Variants in PRKCH observed in about 807,000 individuals in gnomAD.
PRKCH encodes the protein protein kinase C eta type.
A neutral mutation model predicts 82.5 loss-of-function variants in PRKCH; 28 were observed. The observed-to-expected ratio is 0.34, with a 90% confidence interval of 0.25 to 0.47. The LOEUF (loss-of-function observed/expected upper bound fraction) is 0.47, where lower values mean the gene tolerates loss of function less well. PRKCH is among the 20% of genes least tolerant of loss of function. The pLI is 1.00. For missense variants in PRKCH, 705 were observed against 881.8 expected (o/e 0.80, Z 2.54); for synonymous variants, 322 against 327.4 (o/e 0.98, Z 0.18).
chr14:61,446,243 T>C (rs911477538), intron 4 of PRKCH, among the ~76,000 whole-genome samples: 2 of 152,098 alleles, frequency 1.3e-5, no homozygotes, highest in African/African-American at 4.8e-5. Flanking sequence ...TACTACATGT[T>C]ATATTTAGTT....
intron 1 of PRKCH, among the ~76,000 whole-genome samples, chr14:61,195,723 G>T (rs982613737): frequency 2.0e-5 from 3 of 152,184 alleles, no homozygotes; most frequent in African/African-American, 7.2e-5. Context: ...TTGGTGAGGG[G>T]TTGCTTCCTG....
intron 1 of PRKCH, among the ~76,000 whole-genome samples, chr14:61,253,280 A>C (rs538236338): frequency 6.6e-6 from 1 of 152,310 alleles, no homozygotes; most frequent in East Asian, 1.9e-4. Context: ...TTTCTTTTCT[A>C]ATTGCCTGCC....
At chr14:61,440,692 G>A (rs1035489182) in intron 2 of PRKCH, among the ~76,000 whole-genome samples, 1 of 152,024 alleles carries the variant, frequency 6.6e-6, no homozygotes, top group Non-Finnish European at 1.5e-5. Context: ...TGGCCAACAT[G>A]GTGAAACCCT....
intron 2 of PRKCH, among the ~76,000 whole-genome samples, chr14:61,439,939 A>G (rs1055409769): frequency 6.6e-6 from 1 of 152,240 alleles, no homozygotes; most frequent in African/African-American, 2.4e-5. Context: ...AATATTAAAC[A>G]TGCAAGTGGG....
intron 12 of PRKCH, among the ~76,000 whole-genome samples, chr14:61,541,085 G>C (rs1285543909): frequency 6.6e-6 from 1 of 152,242 alleles, no homozygotes; most frequent in Non-Finnish European, 1.5e-5. Flanking sequence ...CAAGCCTGGT[G>C]TCTCTCCCAT....
rs5809093 is a variant in PRKCH, at chr14:61,395,290, G to GCCCC, written c.427+4008_427+4011dup. On this transcript the variant is annotated intron_variant, in intron 2 of 13. Coordinates refer to ENST00000332981, the MANE Select transcript of PRKCH (RefSeq NM_006255.5). Reference sequence around the variant, plus strand: ...CTGTGTTAAGTAAGAAGGAAATGGAGCCCCCCCCCGCATTTGCCTGCCACA... The same window carrying GCCCC: ...CTGTGTTAAGTAAGAAGGAAATGGAGCCCCCCCCCCCCCGCATTTGCCTGCCACA... 4.9e-3 allele frequency among the ~76,000 whole-genome samples: 606 copies of GCCCC among 124,216 alleles called. 23 individuals carry two copies. Among genetic ancestry groups the GCCCC allele is most frequent in the East Asian group, 0.016 (52 of 3,250 alleles). 81.5% of individuals were successfully genotyped at this position (124,216 alleles called of 152,430 possible). A position where few individuals can be genotyped will look rare whatever the true frequency, so the allele number is the denominator to read the frequency against.
In PRKCH at chr14:61,501,361, A is replaced by G. The variant is rs923179237; in HGVS notation, c.1433+15705A>G. Among the ~76,000 whole-genome samples, 5 of 152,130 alleles carry G rather than the reference A, an allele frequency of 3.3e-5. No individual in the cohort carries two copies. In the South Asian group the frequency reaches 1.0e-3, roughly 32 times the overall value. ...ACAATTAAAAGAAAGAATACATTAG[A>G]TCTACATATATTGACCTGGATGGTT... is the stretch of plus-strand genomic sequence containing the variant. On this transcript the variant is annotated intron_variant, in intron 10 of 13. Transcript: ENST00000332981.
chr14:61,478,178 A>G (rs1398623735), intron 9 of PRKCH, among the ~76,000 whole-genome samples: 1 of 152,204 alleles, frequency 6.6e-6, no homozygotes, highest in South Asian at 2.1e-4. Flanking sequence ...TATGCCAGAC[A>G]CTATTCAAAG....
Position 61,233,103 on chromosome 14 carries a change from C to T in PRKCH, c.-19+45435C>T, listed in dbSNP as rs1233240953. Among the ~76,000 whole-genome samples the T allele has an allele frequency of 3.9e-5, 6 of 152,300 alleles. No homozygotes were observed. The East Asian group carries it at 1.2e-3, about 29-fold the overall frequency. On this transcript the variant is annotated intron_variant, in intron 1 of 3. Transcript: ENST00000555185. Reference sequence around the variant, plus strand: ...TCAATTATTAACAGTTGGTCCAGTCCACCATATGGTATGAATATGTCTCCC... The same window carrying T: ...TCAATTATTAACAGTTGGTCCAGTCTACCATATGGTATGAATATGTCTCCC...
chr14:61,325,558 A>T (rs1001489571), intron 1 of PRKCH, among the ~76,000 whole-genome samples: 6 of 152,210 alleles, frequency 3.9e-5, no homozygotes, highest in Non-Finnish European at 7.4e-5. Context: ...GGGTTCAGCA[A>T]AAAATTTTTA....
intron 10 of PRKCH, chr14:61,528,177 CACACAA>C (rs2042993854): frequency 6.6e-6 from 1 of 151,950 alleles, no homozygotes; most frequent in Non-Finnish European, 1.5e-5. Context: ...CACACACACA[CACACAA>C]AGTATTTCTT....
chr14:61,201,302 A>G (rs1049450398), intron 1 of PRKCH, among the ~76,000 whole-genome samples: 3 of 152,120 alleles, frequency 2.0e-5, no homozygotes, highest in African/African-American at 7.2e-5. Context: ...TTTTTTTCAG[A>G]TGAAAAATTG....
chr14:61,494,769 C>T (rs1312691607), intron 10 of PRKCH, among the ~76,000 whole-genome samples: 8 of 152,238 alleles, frequency 5.3e-5, no homozygotes, highest in Non-Finnish European at 1.2e-4. Context: ...GGTAATTCTT[C>T]ATAGAAATTG....
intron 1 of PRKCH, among the ~76,000 whole-genome samples, chr14:61,380,867 A>G (rs1297964473): frequency 6.6e-6 from 1 of 152,202 alleles, no homozygotes; most frequent in Non-Finnish European, 1.5e-5. Flanking sequence ...ATTAATTTCA[A>G]TGTAAAAGAG....
chr14:61,363,471 G>A (rs1333307646), intron 1 of PRKCH, among the ~76,000 whole-genome samples: 1 of 152,174 alleles, frequency 6.6e-6, no homozygotes. Context: ...ATACAATTTT[G>A]ATCAACTGGC....
intron 1 of PRKCH, among the ~76,000 whole-genome samples, chr14:61,272,443 T>A (rs1326487263): frequency 7.2e-6 from 1 of 138,516 alleles, no homozygotes; most frequent in Non-Finnish European, 1.5e-5. Flanking sequence ...CATCTCCACC[T>A]CTCAGGTTCA....
chr14:61,270,144 A>G (rs1348588922), intron 1 of PRKCH, among the ~76,000 whole-genome samples: 1 of 152,128 alleles, frequency 6.6e-6, no homozygotes, highest in Admixed American at 6.5e-5. Flanking sequence ...TTCTACTTAG[A>G]TTGCATGGCC....
At position 61,481,624 on chromosome 14, in the gene PRKCH, G is replaced by A. The variant is rs116706466; in HGVS notation, c.1279-3878G>A. Among the ~76,000 whole-genome samples, 1,059 of 152,272 alleles carry A rather than the reference G, an allele frequency of 7.0e-3. 11 individuals carry two copies. The highest frequency in any genetic ancestry group is 0.024 in the African/African-American group (988 of 41,538). On this transcript the variant is annotated intron_variant, in intron 9 of 13. Coordinates refer to ENST00000332981, the MANE Select transcript of PRKCH (RefSeq NM_006255.5). ...CTTTAGTTTGCTTCTAATTGCAAGA[G>A]TAATACACACTCATCATAGAAACTT...
intron 10 of PRKCH, among the ~76,000 whole-genome samples, chr14:61,510,238 C>T (rs566081365): frequency 2.8e-4 from 43 of 152,128 alleles, no homozygotes; most frequent in Non-Finnish European, 4.7e-4. Context: ...ATTTTATTTG[C>T]CTTTCAATAG....
Sources: gnomAD v4.1 joint callset for allele counts (sites outside exome capture counted in the v4.1 genomes callset) on GRCh38, gnomAD v4.1.1 for gene constraint, MANE v1.5 for transcripts, NCBI Gene and HGNC (gene_info 2026-07-23, HGNC 2026-07-21) for gene names.